DNAAF1: variants seen among roughly 807,000 people sequenced by gnomAD.
DNAAF1 encodes dynein axonemal assembly factor 1.
A neutral mutation model predicts 71.1 loss-of-function variants in DNAAF1; 65 were observed. The ratio of observed to expected loss-of-function variants is 0.91; its 90% CI spans 0.75 to 1.12. The LOEUF (loss-of-function observed/expected upper bound fraction) is 1.12. Ranked by LOEUF, DNAAF1 falls within the 50% of genes most tolerant of loss-of-function variation. DNAAF1 has a pLI of 0.00. For synonymous variants in DNAAF1, 414 were observed against 354.6 expected (o/e 1.17, Z -1.88); for missense variants, 1,178 against 899.8 (o/e 1.31, Z -3.96).
At chr16:84,172,086 C>T (rs1336699948) in intron 8 of DNAAF1, among the ~76,000 whole-genome samples, 174 bp from the exon 9 acceptor site, 4 of 152,068 alleles carry the variant, frequency 2.6e-5, no homozygotes, top group Non-Finnish European at 4.4e-5. Flanking sequence ...ACTGTGTTGG[C>T]CAGGCTGGAC....
Position 84,148,596 on chromosome 16 carries a change from C to CTTTTTTTTTTTTTTTTTT in DNAAF1, c.125-410_125-393dup, listed in dbSNP as rs765676142. Among the ~76,000 whole-genome samples, 90 of 43,562 alleles carry CTTTTTTTTTTTTTTTTTT rather than the reference C, an allele frequency of 2.1e-3. 4 individuals carry two copies. The highest frequency in any genetic ancestry group is 3.2e-3 in the Non-Finnish European group (78 of 24,082). The allele number at this position is 43,562 out of a possible 152,430, so 28.6% of individuals were successfully genotyped here. On this transcript the variant is annotated intron_variant, in intron 1 of 11. Coordinates refer to ENST00000378553, the MANE Select transcript of DNAAF1 (RefSeq NM_178452.6). ...AAAGATTACTGTTCTCTCTCTCTCT[C>CTTTTTTTTTTTTTTTTTT]TTTTTTTTTTTTTTTTTTGGTGAGA...
At chr16:84,167,316 A>C (rs916548506) in intron 7 of DNAAF1, among the ~76,000 whole-genome samples, 1 of 152,176 alleles carries the variant, frequency 6.6e-6, no homozygotes, top group Non-Finnish European at 1.5e-5. Flanking sequence ...AGGTAACTCC[A>C]GTGTTCAGCA....
intron 1 of DNAAF1, among the ~76,000 whole-genome samples, chr16:84,146,843 A>G (rs188953608): frequency 1.3e-5 from 2 of 152,282 alleles, no homozygotes; most frequent in Admixed American, 6.5e-5. Flanking sequence ...TTAAAAAACC[A>G]CTTGATTTGT....
rs147579460 is a variant in DNAAF1 at position 84,171,132 on chromosome 16, G to GC, written c.1528+779dup. Among the ~76,000 whole-genome samples, 1,024 of 152,204 alleles carry GC rather than the reference G, an allele frequency of 6.7e-3. 14 individuals carry two copies. Among genetic ancestry groups the GC allele is most frequent in the African/African-American group, 0.023 (970 of 41,550 alleles). ...TCAGAGCACAGGACCCAAGGATACA[G>GC]CCCGGGGGAAAAGTAGGGGCAGGCC... On this transcript the variant is annotated intron_variant, in intron 8 of 11. Coordinates refer to ENST00000378553, the MANE Select transcript of DNAAF1 (RefSeq NM_178452.6).
intron 4 of DNAAF1, among the ~76,000 whole-genome samples, 177 bp downstream of exon 4, chr16:84,154,975 C>T (rs1291049585): frequency 6.7e-6 from 1 of 149,414 alleles, no homozygotes; most frequent in Non-Finnish European, 1.5e-5. Flanking sequence ...GTGGCGCGAT[C>T]TCAGCTCACT....
chr16:84,163,325 G>C (rs139647723), intron 6 of DNAAF1, among the ~76,000 whole-genome samples: 1 of 150,560 alleles, frequency 6.6e-6, no homozygotes, highest in Non-Finnish European at 1.5e-5. Flanking sequence ...CAATTTTCCC[G>C]TATCCTCACC....
intron 3 of DNAAF1, among the ~76,000 whole-genome samples, chr16:84,151,963 T>G (rs2087206798): frequency 6.6e-6 from 1 of 152,242 alleles, no homozygotes; most frequent in Non-Finnish European, 1.5e-5. Context: ...TGTTGGTGTC[T>G]GGATCCACTC....
Position 84,176,225 on chromosome 16 carries a change from C to A in DNAAF1, c.1991C>A (p.Thr664Asn). Residue 664 changes from threonine (T) to asparagine (N), a missense_variant, in exon 11 of 12, where the codon ACC (threonine) becomes AAC (asparagine). By Grantham distance (65) the Thr-to-Asn change is moderately conservative (BLOSUM62 0). Transcript: ENST00000378553. ...TCTGGCCAGCTACTGATGCCCCCCACCTGCCAAAGAGATGCTGCACCACTC... is the reference window on the plus strand; with the variant it reads ...TCTGGCCAGCTACTGATGCCCCCCAACTGCCAAAGAGATGCTGCACCACTC... ...DPSGQLLMPPTCQRDAAPLTS... is the reference protein window; with the variant it reads ...DPSGQLLMPPNCQRDAAPLTS... 2 of 1,613,780 alleles carry A rather than the reference C, an allele frequency of 1.2e-6. No individual in the cohort carries two copies. Among genetic ancestry groups the A allele is most frequent in the South Asian group, 2.2e-5 (2 of 91,092 alleles).
intron 11 of DNAAF1, chr16:84,177,455 A>G: frequency 2.6e-6 from 1 of 391,176 alleles, no homozygotes; most frequent in East Asian, 6.1e-5. Flanking sequence ...CAGCCTCCCC[A>G]GTAGCTGGTA....
chr16:84,169,904 C>G lies in DNAAF1; in HGVS notation c.1076C>G (p.Ala359Gly). The change falls in exon 8 of 12, where the codon GCG becomes GGG. Residue 359 changes from alanine (A) to glycine (G), a missense_variant. Ala to Gly is a moderately conservative substitution (Grantham distance 60). Coordinates refer to ENST00000378553, the MANE Select transcript of DNAAF1 (RefSeq NM_178452.6). ...GATGGTGAGAATGTGCCCGCCAGTGCGGAAGGCAAGGAGGAGCCTCCCGGG... is the reference window on the plus strand; with the variant it reads ...GATGGTGAGAATGTGCCCGCCAGTGGGGAAGGCAAGGAGGAGCCTCCCGGG... ...SDDGENVPAS[A>G]EGKEEPPGDR... is the part of the protein sequence containing the mutation. The G allele has an allele frequency of 6.2e-7, 1 of 1,614,086 alleles. No individual in the cohort carries two copies. Among genetic ancestry groups the G allele is most frequent in the South Asian group, 1.1e-5 (1 of 91,080 alleles).
chr16:84,177,242 GGGCGGGGGCA>G lies in DNAAF1; in HGVS notation c.2066-483_2066-474del, dbSNP rs377325006. ...TCTGAGCTGGAGCCCGTGCAGCCTC[GGGCGGGGGCA>G]GGCCTGGAGGACGTTGAATAATTTG... On this transcript the variant is annotated intron_variant, in intron 11 of 11. Transcript: ENST00000378553. 2.2e-3 allele frequency: 510 copies of G among 228,212 alleles called. 3 individuals carry two copies. Among genetic ancestry groups the G allele is most frequent in the African/African-American group, 0.011 (480 of 44,442 alleles). The allele number at this position is 228,212 out of a possible 1,614,324, so 14.1% of individuals were successfully genotyped here. A position where few individuals can be genotyped will look rare whatever the true frequency, so the allele number is the denominator to read the frequency against.
Position 84,145,411 on chromosome 16 carries a change from T to TAAAC in DNAAF1, c.-30_-29insAAAC. ...GCCGCGAACCTGGGCCCCCCAAAGC[T>TAAAC]GCGGGGCGTTCGGTGTCGCCGAAGT... On this transcript the variant is annotated 5_prime_UTR_variant, in exon 1 of 12. Coordinates refer to ENST00000378553, the MANE Select transcript of DNAAF1 (RefSeq NM_178452.6). 8 of 1,571,612 alleles carry TAAAC rather than the reference T, an allele frequency of 5.1e-6. No individual in the cohort carries two copies. Among genetic ancestry groups the TAAAC allele is most frequent in the Non-Finnish European group, 6.9e-6 (8 of 1,158,634 alleles).
chr16:84,151,840 C>T lies in DNAAF1; in HGVS notation c.352+1498C>T, dbSNP rs183751590. ...AGCTGTCAGCCAGAGGCCTTAATTT[C>T]TCACCACATGAGCCTCCCCATGGCA... On this transcript the variant is annotated intron_variant, in intron 3 of 11. Coordinates refer to ENST00000378553, the MANE Select transcript of DNAAF1 (RefSeq NM_178452.6). Among the ~76,000 whole-genome samples the T allele has an allele frequency of 2.4e-4, 37 of 152,354 alleles. 1 individual carries two copies. The highest frequency in any genetic ancestry group is 7.7e-4 in the African/African-American group (32 of 41,590).
intron 10 of DNAAF1, 105 bp downstream of exon 10, chr16:84,174,827 C>A: frequency 7.1e-7 from 1 of 1,414,272 alleles, no homozygotes. Context: ...GTTCCCTGTG[C>A]ATAAAGCATT....
In DNAAF1 at chr16:84,152,153, G is replaced by T. The variant is rs564047548; in HGVS notation, c.352+1811G>T. On this transcript the variant is annotated intron_variant, in intron 3 of 11. Coordinates refer to ENST00000378553, the MANE Select transcript of DNAAF1 (RefSeq NM_178452.6). ...ATCTTAGGGAGACTTTAGCCAGGTG[G>T]TTGCAGTGATGGTGGGATCCAGGGG... Among the ~76,000 whole-genome samples, 34 of 152,294 alleles carry T rather than the reference G, an allele frequency of 2.2e-4. No homozygotes were observed. In the South Asian group the frequency reaches 7.0e-3, roughly 32 times the overall value.
rs2088251122 is a variant in DNAAF1, at chr16:84,170,164, G to A, written c.1336G>A (p.Ala446Thr). Residue 446 changes from alanine to threonine, a missense_variant, in exon 8 of 12, where the codon GCC becomes ACC. By Grantham distance (58) the Ala-to-Thr change is moderately conservative (BLOSUM62 0). Transcript: ENST00000378553. Reference sequence around the variant, plus strand: ...GCCAGAGGGGACCCTCCCAGCTGAGGCCCCACCACCCCCGCCACCTGTGGA... The same window carrying A: ...GCCAGAGGGGACCCTCCCAGCTGAGACCCCACCACCCCCGCCACCTGTGGA... ...GEPEGTLPAE[A>T]PPPPPPVEVK... The A allele has an allele frequency of 6.2e-7, 1 of 1,603,056 alleles. No individual in the cohort carries two copies. The highest frequency in any genetic ancestry group is 1.3e-5 in the African/African-American group (1 of 74,144).
At chr16:84,146,435 G>T (rs897486363) in intron 1 of DNAAF1, among the ~76,000 whole-genome samples, 1 of 152,102 alleles carries the variant, frequency 6.6e-6, no homozygotes, top group Non-Finnish European at 1.5e-5. Flanking sequence ...TAACCTTCAT[G>T]GCCAGGCACG....
chr16:84,166,381 T>C (rs1465709130), intron 7 of DNAAF1, among the ~76,000 whole-genome samples: 1 of 148,610 alleles, frequency 6.7e-6, no homozygotes, highest in Non-Finnish European at 1.5e-5. Context: ...TTTTTTTTTT[T>C]TTTTTTTTTG....
At chr16:84,177,543 G>C (rs755616705) in intron 11 of DNAAF1, 186 bp from the exon 12 acceptor site, 17 of 590,964 alleles carry the variant, frequency 2.9e-5, no homozygotes, top group Non-Finnish European at 5.0e-5. Flanking sequence ...TGACCAGGCT[G>C]GTCTCGAACT....
Sources: allele counts gnomAD v4.1 joint callset (sites outside exome capture counted in the v4.1 genomes callset), GRCh38; gene constraint gnomAD v4.1.1; transcripts MANE v1.5; gene names NCBI Gene and HGNC (gene_info 2026-07-23, HGNC 2026-07-21).